The following ZPBP variants were observed in gnomAD, a reference collection of about 807,000 sequenced individuals.
ZPBP encodes zona pellucida binding protein.
Under a neutral mutation model 44.8 loss-of-function variants are expected in ZPBP, and 26 were observed. That is an observed-to-expected ratio of 0.58 (90% CI 0.43 to 0.81). The LOEUF is 0.81. Among genes scored for constraint, ZPBP ranks in the 30% least tolerant of loss-of-function variants. The probability of loss-of-function intolerance (pLI) is 0.00; values close to 1 mark genes in which losing one functional copy is unlikely to be tolerated. For synonymous variants in ZPBP, 174 were observed against 153.2 expected, an observed-to-expected ratio of 1.14 and a Z score of -1.00; for missense variants, 409 against 434.0, an observed-to-expected ratio of 0.94 and a Z score of 0.51.
At chr7:50,072,560 G>A (rs982062489) in intron 3 of ZPBP, among the ~76,000 whole-genome samples, 2 of 152,214 alleles carry the variant, frequency 1.3e-5, no homozygotes, top group Admixed American at 1.3e-4. Context: ...GTCTGACCCA[G>A]TGTAGTCACA....
In ZPBP at chr7:49,962,336, C is replaced by T. The variant is rs80068273; in HGVS notation, c.961+21006G>A. ...TATTAGGGGAGTTTATGTAAGGTTG[C>T]TTTAACATATGTCAATCAATCAATG... On this transcript the variant is annotated intron_variant, in intron 7 of 7. Coordinates refer to ENST00000046087, the MANE Select transcript of ZPBP (RefSeq NM_007009.3). 8.3e-4 allele frequency among the ~76,000 whole-genome samples: 126 copies of T among 151,850 alleles called. 1 individual carries two copies. In the East Asian group the frequency reaches 0.022, roughly 26 times the overall value.
chr7:49,900,727 C>T (rs1167168754), intron 2 of ZPBP, among the ~76,000 whole-genome samples: 2 of 151,774 alleles, frequency 1.3e-5, no homozygotes, highest in Non-Finnish European at 1.5e-5. Flanking sequence ...TTATACCAAA[C>T]ATTTAAGGAA....
At chr7:49,894,508 C>T (rs908292667) in intron 2 of ZPBP, among the ~76,000 whole-genome samples, 22 of 152,226 alleles carry the variant, frequency 1.4e-4, no homozygotes, top group African/African-American at 5.3e-4. Context: ...GCAATTTATC[C>T]ACCAACTCAG....
At chr7:49,929,593 T>G (rs528367170) in intron 1 of ZPBP, among the ~76,000 whole-genome samples, 1 of 152,238 alleles carries the variant, frequency 6.6e-6, no homozygotes, top group Non-Finnish European at 1.5e-5. Context: ...GGATAAGTAC[T>G]GAGATGAGTT....
Position 49,905,446 on chromosome 7 carries a change from C to T in ZPBP, n.412-4231G>A, listed in dbSNP as rs551317890. ...AAGGAAGCAAATTTTGGTAAATATT[C>T]GTTTTTCACATTCTAAGCAAGTTTA... On this transcript the variant is annotated intron_variant and non_coding_transcript_variant, in intron 1 of 2. Transcript: ENST00000465922. Among the ~76,000 whole-genome samples the T allele has an allele frequency of 1.2e-3, 185 of 152,254 alleles. 2 individuals are homozygous for T. Among genetic ancestry groups the T allele is most frequent in the Middle Eastern group, 6.8e-3 (2 of 294 alleles).
intron 1 of ZPBP, among the ~76,000 whole-genome samples, chr7:49,926,789 T>C (rs1794251671): frequency 6.6e-6 from 1 of 152,090 alleles, no homozygotes; most frequent in Non-Finnish European, 1.5e-5. Context: ...GGCTGGGAGA[T>C]CCTCTGGATA....
At chr7:50,031,584 T>C (rs531367192) in intron 4 of ZPBP, among the ~76,000 whole-genome samples, 2 of 152,280 alleles carry the variant, frequency 1.3e-5, no homozygotes, top group South Asian at 4.1e-4. Context: ...GCAGGGATTA[T>C]GTCACATGTC....
intron 2 of ZPBP, among the ~76,000 whole-genome samples, chr7:49,899,209 C>T (rs1015095442): frequency 5.9e-5 from 9 of 151,742 alleles, no homozygotes; most frequent in African/African-American, 2.2e-4. Flanking sequence ...TATGTTTTTC[C>T]CTTATAATAA....
rs1454173412 is a variant in ZPBP, at chr7:50,092,972, T to G, written c.127+96A>C. On this transcript the variant is annotated intron_variant, in intron 1 of 7. Coordinates refer to ENST00000046087, the MANE Select transcript of ZPBP (RefSeq NM_007009.3). The stretch of plus-strand genomic sequence containing the variant: ...TATTAGTGAGCAAGGTGTCTCTATA[T>G]AAAACGGATGCACGTGACACAAGAA... 7.3e-6 allele frequency: 11 copies of G among 1,503,610 alleles called. No homozygotes were observed. In the East Asian group the frequency reaches 2.0e-4, roughly 28 times the overall value. 93.1% of individuals were successfully genotyped at this position (1,503,610 alleles called of 1,614,324 possible).
At chr7:49,844,845 A>G in the ZPBP span, among the ~76,000 whole-genome samples, 65 of 152,222 alleles carry the variant, frequency 4.3e-4, no homozygotes, top group African/African-American at 1.4e-3. Context: ...GGTGCCCGCC[A>G]CTACGTCCAA....
At chr7:50,031,417 T>C in intron 4 of ZPBP, 107 bp from the exon 5 acceptor site, 3 of 832,254 alleles carry the variant, frequency 3.6e-6, no homozygotes, top group South Asian at 3.6e-5. Context: ...TCTTGGTACA[T>C]GTTTTTAGAT....
At chr7:50,061,872 C>T (rs1007910575) in intron 3 of ZPBP, among the ~76,000 whole-genome samples, 22 of 152,070 alleles carry the variant, frequency 1.4e-4, no homozygotes, top group African/African-American at 4.1e-4. Context: ...CCAGCCTGGG[C>T]GACAGAGTGA....
intron 7 of ZPBP, among the ~76,000 whole-genome samples, chr7:49,982,401 A>T (rs1408323032): frequency 7.2e-6 from 1 of 139,828 alleles, no homozygotes; most frequent in Non-Finnish European, 1.5e-5. Context: ...GATTTTAAAA[A>T]GTTACAAAGT....
intron 7 of ZPBP, among the ~76,000 whole-genome samples, chr7:49,941,199 A>G (rs925268411): frequency 1.3e-5 from 2 of 152,168 alleles, no homozygotes; most frequent in Non-Finnish European, 2.9e-5. Context: ...TGGAAATGTA[A>G]AATGGTGAAG....
At chr7:49,872,815 T>C (rs1373720762) in intron 2 of ZPBP, among the ~76,000 whole-genome samples, 1 of 141,140 alleles carries the variant, frequency 7.1e-6, no homozygotes, top group South Asian at 2.2e-4. Context: ...ACTTGGGATG[T>C]TGAAACAGGA....
intron 3 of ZPBP, among the ~76,000 whole-genome samples, chr7:50,058,405 C>T (rs1801077406): frequency 6.6e-6 from 1 of 152,136 alleles, no homozygotes; most frequent in Non-Finnish European, 1.5e-5. Flanking sequence ...ACAGAATATG[C>T]TCCTAATCTG....
chr7:50,000,181 CAT>C (rs1257051151), intron 6 of ZPBP, among the ~76,000 whole-genome samples: 13 of 151,990 alleles, frequency 8.6e-5, no homozygotes, highest in African/African-American at 3.1e-4. Context: ...ATAAAAAATA[CAT>C]ATTTGAATTT....
rs771099599 is a variant in ZPBP at position 50,081,856 on chromosome 7, T to C, written c.252A>G (p.Leu84=). The C allele has an allele frequency of 6.2e-7, 1 of 1,611,490 alleles. No homozygotes were observed. The change falls in exon 3 of 8, where the codon TTA becomes TTG. Residue 84 remains leucine (L), a synonymous_variant. Transcript: ENST00000046087. ...CATTTCGCAGTTGTTGCGTTACACA[T>C]AACACGTGTGGACTCTTTTGATGGA... ...VMLHQKSPHV[L]CVTQQLRNAE... is the part of the protein sequence containing the mutation.
intron 4 of ZPBP, among the ~76,000 whole-genome samples, chr7:50,038,275 A>T (rs1162631839): frequency 6.6e-6 from 1 of 152,216 alleles, no homozygotes; most frequent in Non-Finnish European, 1.5e-5. Context: ...TGAATCTCAA[A>T]GGAACTGGTT....
Sources: allele counts gnomAD v4.1 joint callset (sites outside exome capture counted in the v4.1 genomes callset), GRCh38; gene constraint gnomAD v4.1.1; transcripts MANE v1.5; gene names NCBI Gene and HGNC (gene_info 2026-07-23, HGNC 2026-07-21).